Variants in SLC37A3 observed in about 807,000 individuals in gnomAD.
SLC37A3 encodes the protein solute carrier family 37 member 3.
A neutral mutation model predicts 67.1 loss-of-function variants in SLC37A3; 51 were observed. The observed-to-expected ratio is 0.76, with a 90% CI of 0.61 to 0.96. The LOEUF (loss-of-function observed/expected upper bound fraction) is 0.96, where lower values mean the gene tolerates loss of function less well. SLC37A3 is among the 40% of genes least tolerant of loss of function. The pLI is 0.00. For missense variants in SLC37A3, 508 were observed against 603.0 expected (o/e 0.84, Z 1.65); for synonymous variants, 214 against 231.4 (o/e 0.92, Z 0.68).
intron 1 of SLC37A3, among the ~76,000 whole-genome samples, chr7:140,398,016 C>T (rs1220343994): frequency 6.6e-6 from 1 of 152,236 alleles, no homozygotes; most frequent in Non-Finnish European, 1.5e-5. Flanking sequence ...TTCCAAAGAG[C>T]TTCCTTCCCC....
rs1563027180 is a variant in SLC37A3 at position 140,361,498 on chromosome 7, C to CCCTCTCCCTCTCCCTCT, written c.376-2714_376-2713insAGAGGGAGAGGGAGAGG. ...ACTCCGGACACACAGCCTCTCCCTC[C>CCCTCTCCCTCTCCCTCT]CCCTCCCCCTCCCCCTCCCCCTCCC... On this transcript the variant is annotated intron_variant, in intron 5 of 14. Coordinates refer to ENST00000326232, the MANE Select transcript of SLC37A3 (RefSeq NM_207113.3). Among the ~76,000 whole-genome samples the CCCTCTCCCTCTCCCTCT allele has an allele frequency of 2.1e-4, 15 of 71,142 alleles. 3 individuals are homozygous for CCCTCTCCCTCTCCCTCT. Among genetic ancestry groups the CCCTCTCCCTCTCCCTCT allele is most frequent in the Admixed American group, 4.9e-4 (3 of 6,112 alleles). 46.7% of individuals were successfully genotyped at this position (71,142 alleles called of 152,430 possible).
intron 9 of SLC37A3, among the ~76,000 whole-genome samples, chr7:140,350,411 G>A (rs1222766146): frequency 6.6e-6 from 1 of 152,182 alleles, no homozygotes; most frequent in African/African-American, 2.4e-5. Flanking sequence ...TGCACAGGCT[G>A]TGGAAAACAC....
Position 140,358,793 on chromosome 7 carries a change from A to G in SLC37A3, c.376-8T>C. On this transcript the variant is annotated splice_polypyrimidine_tract_variant and splice_region_variant and intron_variant, in intron 5 of 14. Transcript: ENST00000326232. ...CGCACCAAAGACAAACACCTTGAAG[A>G]GGAGGAAACAAAAGGAATATGTAAC... is the stretch of plus-strand genomic sequence containing the variant. The G allele has an allele frequency of 6.2e-7, 1 of 1,613,484 alleles. No homozygotes were observed. Among genetic ancestry groups the G allele is most frequent in the Non-Finnish European group, 8.5e-7 (1 of 1,179,534 alleles).
At chr7:140,355,947 T>C (rs1797009135) in intron 6 of SLC37A3, among the ~76,000 whole-genome samples, 183 bp from the exon 7 acceptor site, 1 of 152,062 alleles carries the variant, frequency 6.6e-6, no homozygotes, top group Admixed American at 6.6e-5. Context: ...GTAATCCCAG[T>C]ACTTTGGGAG....
intron 8 of SLC37A3, 162 bp from the exon 9 acceptor site, chr7:140,351,613 C>T (rs1796805383): frequency 1.6e-6 from 1 of 644,368 alleles, no homozygotes; most frequent in South Asian, 2.0e-5. Flanking sequence ...TAAAGTCACA[C>T]AGTCTATCTA....
intron 3 of SLC37A3, among the ~76,000 whole-genome samples, chr7:140,371,273 G>A (rs1797808912): frequency 1.3e-5 from 2 of 152,238 alleles, no homozygotes; most frequent in South Asian, 2.1e-4. Flanking sequence ...CCTCCTGGGT[G>A]CAAGTGATTC....
At chr7:140,348,224 A>G (rs1263614900) in intron 10 of SLC37A3, among the ~76,000 whole-genome samples, 1 of 152,150 alleles carries the variant, frequency 6.6e-6, no homozygotes, top group Non-Finnish European at 1.5e-5. Context: ...GGTAGATACA[A>G]TGAACACGTT....
intron 13 of SLC37A3, among the ~76,000 whole-genome samples, chr7:140,343,023 G>A (rs1796418095): frequency 6.6e-6 from 1 of 152,162 alleles, no homozygotes; most frequent in Admixed American, 6.6e-5. Flanking sequence ...TCTGGGAGAG[G>A]GAGACGGGAG....
In SLC37A3 at chr7:140,352,155, GA is replaced by G; in HGVS notation, c.619-10del. ...GTCACCAGAAAGGCATACTGGAGGA[GA>G]GGGGTGAAAGGTGGTCCTTACATAT... is the stretch of plus-strand genomic sequence containing the variant. On this transcript the variant is annotated splice_polypyrimidine_tract_variant and intron_variant, in intron 7 of 14. Transcript: ENST00000326232. 6.3e-7 allele frequency: 1 copy of G among 1,595,360 alleles called. No homozygotes were observed. Among genetic ancestry groups the G allele is most frequent in the Non-Finnish European group, 8.6e-7 (1 of 1,168,662 alleles).
intron 6 of SLC37A3, among the ~76,000 whole-genome samples, chr7:140,356,631 C>T (rs926359398): frequency 1.8e-4 from 28 of 152,140 alleles, no homozygotes; most frequent in African/African-American, 6.3e-4. Flanking sequence ...TGCAGTGAGC[C>T]GAGATCGCAC....
In SLC37A3 at chr7:140,363,195, C is replaced by A. The variant is rs1193999650; in HGVS notation, c.375+1213G>T. 3.5e-5 allele frequency among the ~76,000 whole-genome samples: 3 copies of A among 85,464 alleles called. 1 individual carries two copies. The highest frequency in any genetic ancestry group is 1.3e-4 in the African/African-American group (3 of 22,898). The allele number at this position is 85,464 out of a possible 152,430, so 56.1% of individuals were successfully genotyped here. On this transcript the variant is annotated intron_variant, in intron 5 of 14. Transcript: ENST00000326232. ...GCCACGACCCCGTCTGGGAGGTGTG[C>A]CCAGCGGCTCATTGGGGATGGGCCA... is the stretch of plus-strand genomic sequence containing the variant.
intron 7 of SLC37A3, among the ~76,000 whole-genome samples, chr7:140,353,083 A>G (rs1796878036): frequency 6.6e-6 from 1 of 152,172 alleles, no homozygotes; most frequent in Non-Finnish European, 1.5e-5. Context: ...ATTCTTGGTG[A>G]GCTGTTTAAA....
intron 5 of SLC37A3, among the ~76,000 whole-genome samples, chr7:140,362,550 G>T (rs1162444141): frequency 7.5e-6 from 1 of 134,118 alleles, no homozygotes; most frequent in Non-Finnish European, 1.6e-5. Context: ...GAGGGAGGTG[G>T]GGGGTCAGCC....
At chr7:140,335,852 A>G (rs1796111999) in intron 14 of SLC37A3, among the ~76,000 whole-genome samples, 1 of 152,264 alleles carries the variant, frequency 6.6e-6, no homozygotes, top group South Asian at 2.1e-4. Flanking sequence ...CAGAAAGTTC[A>G]TCACAAGATA....
intron 1 of SLC37A3, among the ~76,000 whole-genome samples, chr7:140,390,145 A>C (rs1798667861): frequency 6.6e-6 from 1 of 152,158 alleles, no homozygotes; most frequent in Admixed American, 6.5e-5. Context: ...CTCTCTGAAG[A>C]AAGTCTACTG....
intron 3 of SLC37A3, among the ~76,000 whole-genome samples, chr7:140,371,855 CTT>C (rs759365499): frequency 4.1e-5 from 6 of 145,374 alleles, no homozygotes; most frequent in Non-Finnish European, 4.6e-5. Flanking sequence ...GTTTACAGAA[CTT>C]TTTTTTTTTT....
At chr7:140,344,332 G>T (rs1386496536) in intron 12 of SLC37A3, among the ~76,000 whole-genome samples, 1 of 152,098 alleles carries the variant, frequency 6.6e-6, no homozygotes, top group Non-Finnish European at 1.5e-5. Context: ...GGAAGCTGAG[G>T]CAGAAGAATC....
chr7:140,353,357 C>A (rs894354312), intron 7 of SLC37A3, among the ~76,000 whole-genome samples: 5 of 152,000 alleles, frequency 3.3e-5, no homozygotes, highest in Non-Finnish European at 5.9e-5. Flanking sequence ...GTGGCGTACA[C>A]CTGTAATCCC....
At chr7:140,394,674 T>C (rs2129984519) in intron 1 of SLC37A3, among the ~76,000 whole-genome samples, 1 of 149,308 alleles carries the variant, frequency 6.7e-6, no homozygotes, top group Non-Finnish European at 1.5e-5. Context: ...AGTGGCGTGA[T>C]CTTGGCTTAC....
Sources: gnomAD v4.1 joint callset for allele counts (sites outside exome capture counted in the v4.1 genomes callset) on GRCh38, gnomAD v4.1.1 for gene constraint, MANE v1.5 for transcripts, NCBI Gene and HGNC (gene_info 2026-07-23, HGNC 2026-07-21) for gene names.